EIF4EBP1: variants seen among roughly 807,000 people sequenced by gnomAD.
The protein encoded by EIF4EBP1 is eukaryotic translation initiation factor 4E-binding protein 1.
In EIF4EBP1, 5 loss-of-function variants were observed where a neutral mutation model predicts 9.2. The ratio of observed to expected loss-of-function variants is 0.54; its 90% CI spans 0.28 to 1.14. The LOEUF (loss-of-function observed/expected upper bound fraction) is 1.14. Among genes scored for constraint, EIF4EBP1 ranks in the 50% most tolerant of loss-of-function variants. The pLI is 0.09. For missense variants in EIF4EBP1, 139 were observed against 169.6 expected (o/e 0.82, Z 1.00); for synonymous variants, 62 against 67.0 (o/e 0.93, Z 0.36).
chr8:38,054,755 C>T (rs1368352993), intron 1 of EIF4EBP1, among the ~76,000 whole-genome samples: 1 of 152,170 alleles, frequency 6.6e-6, no homozygotes, highest in Non-Finnish European at 1.5e-5. Context: ...TTGGTCTTCC[C>T]TTACCTCCCC....
chr8:38,059,785 A>C (rs1376892293), intron 2 of EIF4EBP1, 119 bp from the exon 3 acceptor site: 5 of 1,024,616 alleles, frequency 4.9e-6, no homozygotes, highest in African/African-American at 1.6e-5. Context: ...ACAAAAAAAA[A>C]CTTATTTTCT....
chr8:38,041,464 G>A (rs1415383821), intron 1 of EIF4EBP1, among the ~76,000 whole-genome samples: 6 of 152,156 alleles, frequency 3.9e-5, no homozygotes, highest in Admixed American at 3.9e-4. Flanking sequence ...AGGAGTGGTA[G>A]GAGCCACATT....
intron 1 of EIF4EBP1, among the ~76,000 whole-genome samples, chr8:38,044,392 C>T (rs978478573): frequency 2.0e-5 from 3 of 152,116 alleles, no homozygotes; most frequent in Admixed American, 1.3e-4. Flanking sequence ...CTAATTTTTC[C>T]AGCTGAGAGT....
intron 1 of EIF4EBP1, among the ~76,000 whole-genome samples, chr8:38,035,690 ATTATTTAT>A (rs930406902): frequency 3.3e-5 from 5 of 150,578 alleles, no homozygotes; most frequent in Non-Finnish European, 7.4e-5. Context: ...TGCCCAGCTA[ATTATTTAT>A]TTATTTATTT....
chr8:38,040,534 C>T (rs1002147102), intron 1 of EIF4EBP1, among the ~76,000 whole-genome samples: 2 of 152,258 alleles, frequency 1.3e-5, no homozygotes, highest in African/African-American at 4.8e-5. Flanking sequence ...CTTTTGGGTT[C>T]GTTGGGTTCT....
chr8:38,031,743 G>C (rs1443346781), intron 1 of EIF4EBP1, among the ~76,000 whole-genome samples: 1 of 152,198 alleles, frequency 6.6e-6, no homozygotes. Context: ...GTCCTCTGCT[G>C]TTTGATCCAA....
In EIF4EBP1 at chr8:38,030,699, C is replaced by T; in HGVS notation, c.126C>T (p.Leu42=). The T allele has an allele frequency of 6.9e-7, 1 of 1,459,078 alleles. No individual in the cohort carries two copies. 90.4% of individuals were successfully genotyped at this position (1,459,078 alleles called of 1,614,324 possible). A position where few individuals can be genotyped will look rare whatever the true frequency, so the allele number is the denominator to read the frequency against. ...GDYSTTPGGT[L]FSTTPGGTRI... Reference sequence around the variant, plus strand: ...ACAGCACGACCCCCGGCGGCACGCTCTTCAGCACCACCCCGGGAGGTAGGC... The same window carrying T: ...ACAGCACGACCCCCGGCGGCACGCTTTTCAGCACCACCCCGGGAGGTAGGC... Residue 42 remains leucine, a synonymous_variant, in exon 1 of 3, where the codon CTC becomes CTT. Coordinates refer to ENST00000338825, the MANE Select transcript of EIF4EBP1 (RefSeq NM_004095.4).
At chr8:38,030,793 G>A (rs775850254) in intron 1 of EIF4EBP1, 75 bp downstream of exon 1, 388 of 1,369,582 alleles carry the variant, frequency 2.8e-4, no homozygotes, top group Admixed American at 1.0e-3. Flanking sequence ...GATTGGACCG[G>A]GTGTCCAGGC....
At chr8:38,052,433 T>TTTTTTTTTTTTTTTTTTTTTTGAG (rs1809538257) in intron 1 of EIF4EBP1, among the ~76,000 whole-genome samples, 1 of 150,752 alleles carries the variant, frequency 6.6e-6, no homozygotes, top group African/African-American at 2.5e-5. Context: ...GTTAATTTTT[T>TTTTTTTTTTTTTTTTTTTTTTGAG]AAAAATTTTA....
chr8:38,045,153 C>T (rs966325986), intron 1 of EIF4EBP1, among the ~76,000 whole-genome samples: 2 of 152,112 alleles, frequency 1.3e-5, no homozygotes, highest in African/African-American at 4.8e-5. Context: ...TTAATCTTCA[C>T]GATACTCCTC....
chr8:38,059,487 C>T (rs111313394), intron 2 of EIF4EBP1, among the ~76,000 whole-genome samples: 2,460 of 152,046 alleles, frequency 0.016, 66 homozygotes, highest in African/African-American at 0.055. Flanking sequence ...CACGGTGGCT[C>T]GCACCTGTAA....
chr8:38,041,278 T>G lies in EIF4EBP1; in HGVS notation c.145+10560T>G, dbSNP rs190893023. Among the ~76,000 whole-genome samples, 511 of 152,166 alleles carry G rather than the reference T, an allele frequency of 3.4e-3. 2 individuals are homozygous for G. Among genetic ancestry groups the G allele is most frequent in the African/African-American group, 0.011 (451 of 41,498 alleles). ...CACCACGCCCGGCTAATTTTTGTAT[T>G]TTTAGTAGAGGCGGGGGTCTCACCA... On this transcript the variant is annotated intron_variant, in intron 1 of 2. Transcript: ENST00000338825.
chr8:38,040,599 G>A (rs1255121912), intron 1 of EIF4EBP1, among the ~76,000 whole-genome samples: 1 of 152,228 alleles, frequency 6.6e-6, no homozygotes, highest in Admixed American at 6.5e-5. Context: ...CAGCTGGACT[G>A]TCCTGGGGTG....
intron 1 of EIF4EBP1, among the ~76,000 whole-genome samples, chr8:38,055,355 G>A (rs749197392): frequency 2.0e-5 from 3 of 152,082 alleles, no homozygotes; most frequent in Admixed American, 2.0e-4. Context: ...GTAAAATAAA[G>A]TGTAAGAAAT....
At chr8:38,039,828 G>A (rs575106380) in intron 1 of EIF4EBP1, among the ~76,000 whole-genome samples, 57 of 152,182 alleles carry the variant, frequency 3.7e-4, no homozygotes, top group African/African-American at 1.1e-3. Flanking sequence ...CAATATTACC[G>A]AACAGGGAGT....
intron 1 of EIF4EBP1, among the ~76,000 whole-genome samples, chr8:38,053,496 G>A (rs1350487190): frequency 4.6e-5 from 7 of 152,228 alleles, no homozygotes; most frequent in Non-Finnish European, 1.0e-4. Context: ...GATTACAGGT[G>A]TGTGCCACCA....
chr8:38,059,049 A>G (rs1232725508), intron 2 of EIF4EBP1, among the ~76,000 whole-genome samples: 1 of 152,230 alleles, frequency 6.6e-6, no homozygotes, highest in Non-Finnish European at 1.5e-5. Flanking sequence ...GCGTAACTGC[A>G]CGCCAGCCTG....
chr8:38,059,568 A>G (rs755048611), intron 2 of EIF4EBP1, among the ~76,000 whole-genome samples: 5 of 152,044 alleles, frequency 3.3e-5, no homozygotes, highest in Non-Finnish European at 5.9e-5. Context: ...CCTGGCCAAC[A>G]TGGCAAAACC....
intron 1 of EIF4EBP1, among the ~76,000 whole-genome samples, chr8:38,044,070 G>A (rs893942865): frequency 6.6e-6 from 1 of 152,074 alleles, no homozygotes; most frequent in African/African-American, 2.4e-5. Flanking sequence ...CTCACTGGCT[G>A]TTGGCTTGGA....
Sources: gnomAD v4.1 joint callset for allele counts (sites outside exome capture counted in the v4.1 genomes callset) on GRCh38, gnomAD v4.1.1 for gene constraint, MANE v1.5 for transcripts, NCBI Gene and HGNC (gene_info 2026-07-23, HGNC 2026-07-21) for gene names.